SPMAP2L: variants seen among roughly 807,000 people sequenced by gnomAD.
SPMAP2L encodes the protein sperm microtubule associated protein 2 like.
chr4:56,549,091 T>A, the SPMAP2L span, among the ~76,000 whole-genome samples: 3 of 151,056 alleles, frequency 2.0e-5, no homozygotes, highest in Admixed American at 2.0e-4. Flanking sequence ...CGGGTTCAAG[T>A]GATTCTCCTT....
At chr4:56,591,356 C>A in the SPMAP2L span, among the ~76,000 whole-genome samples, 1 of 152,194 alleles carries the variant, frequency 6.6e-6, no homozygotes, top group Non-Finnish European at 1.5e-5. Flanking sequence ...CATGAGCCAA[C>A]AAGACCTCAC....
chr4:56,534,165 T>C, the SPMAP2L span, among the ~76,000 whole-genome samples: 8 of 152,190 alleles, frequency 5.3e-5, no homozygotes, highest in Admixed American at 2.6e-4. Context: ...TCCCCCTTTT[T>C]CCCCCTTCTC....
the SPMAP2L span, among the ~76,000 whole-genome samples, chr4:56,625,377 T>C: frequency 8.7e-4 from 133 of 152,260 alleles, no homozygotes; most frequent in African/African-American, 3.0e-3. Flanking sequence ...GAGTTAAGAC[T>C]TTGGGGGACT....
chr4:56,619,253 A>G, the SPMAP2L span, among the ~76,000 whole-genome samples: 6 of 152,226 alleles, frequency 3.9e-5, no homozygotes, highest in Admixed American at 3.9e-4. Flanking sequence ...TCAGACTGTG[A>G]TTGACCTTGG....
the SPMAP2L span, among the ~76,000 whole-genome samples, chr4:56,545,107 C>G: frequency 6.6e-5 from 10 of 152,180 alleles, no homozygotes; most frequent in Admixed American, 6.5e-4. Context: ...AAAACAAACA[C>G]AAGAAAGAAA....
the SPMAP2L span, among the ~76,000 whole-genome samples, chr4:56,555,247 C>T: frequency 5.1e-4 from 78 of 152,128 alleles, no homozygotes; most frequent in African/African-American, 1.8e-3. Context: ...CCAGGACTAT[C>T]ATTTCTTGAT....
chr4:56,545,796 A>ATGTT, the SPMAP2L span, among the ~76,000 whole-genome samples: 1 of 148,030 alleles, frequency 6.8e-6, no homozygotes, highest in Non-Finnish European at 1.5e-5. Flanking sequence ...ATTTTTGTTT[A>ATGTT]TGTTTGTTTG....
chr4:56,574,411 C>A, the SPMAP2L span, among the ~76,000 whole-genome samples: 221 of 152,020 alleles, frequency 1.5e-3, no homozygotes, highest in Non-Finnish European at 2.4e-3. Flanking sequence ...AGAGCAAGAT[C>A]GTGCTTCTAA....
At chr4:56,574,138 G>A in the SPMAP2L span, among the ~76,000 whole-genome samples, 1 of 152,166 alleles carries the variant, frequency 6.6e-6, no homozygotes, top group South Asian at 2.1e-4. Flanking sequence ...GAACAATGGT[G>A]GCTGGGTGTG....
the SPMAP2L span, chr4:56,593,459 C>T: frequency 8.7e-5 from 138 of 1,585,698 alleles, no homozygotes; most frequent in African/African-American, 1.5e-4. Context: ...TACCCAGACA[C>T]GGAGGGGAAG....
At chr4:56,595,578 C>T in the SPMAP2L span, 24 of 1,368,866 alleles carry the variant, frequency 1.8e-5, no homozygotes, top group South Asian at 2.3e-4. Context: ...ATTCCCACTC[C>T]CCTTCGTGAA....
chr4:56,624,925 C>G, the SPMAP2L span, among the ~76,000 whole-genome samples: 3 of 152,202 alleles, frequency 2.0e-5, no homozygotes, highest in African/African-American at 7.2e-5. Context: ...AAGAGGGTCA[C>G]TGTCCTCCAG....
At chr4:56,588,104 A>G in the SPMAP2L span, among the ~76,000 whole-genome samples, 1 of 152,096 alleles carries the variant, frequency 6.6e-6, no homozygotes. Context: ...TTTGTTGGCC[A>G]TTTGTATATC....
the SPMAP2L span, among the ~76,000 whole-genome samples, chr4:56,533,225 C>G: frequency 6.6e-6 from 1 of 152,200 alleles, no homozygotes; most frequent in Non-Finnish European, 1.5e-5. Context: ...ATCCATGCCC[C>G]TGAACTTCAA....
the SPMAP2L span, chr4:56,596,777 T>C: frequency 1.1e-6 from 1 of 928,314 alleles, no homozygotes; most frequent in African/African-American, 1.7e-5. Flanking sequence ...ACTAGCTAGA[T>C]GATAGGGAGA....
At chr4:56,621,773 G>A in the SPMAP2L span, among the ~76,000 whole-genome samples, 1 of 152,210 alleles carries the variant, frequency 6.6e-6, no homozygotes, top group Non-Finnish European at 1.5e-5. Flanking sequence ...TTCATTTGCT[G>A]TATAGTTGTT....
chr4:56,598,527 T>C, the SPMAP2L span, among the ~76,000 whole-genome samples: 3 of 151,906 alleles, frequency 2.0e-5, no homozygotes, highest in Non-Finnish European at 2.9e-5. Context: ...AAGATCTCCT[T>C]GAAGAATGTG....
chr4:56,539,990 C>T, the SPMAP2L span, among the ~76,000 whole-genome samples: 1,208 of 152,278 alleles, frequency 7.9e-3, 16 homozygotes, highest in African/African-American at 0.028. Context: ...TATTCCAAAG[C>T]TTAAAATGAA....
At chr4:56,531,031 C>G in the SPMAP2L span, 1 of 1,535,490 alleles carries the variant, frequency 6.5e-7, no homozygotes, top group Non-Finnish European at 8.7e-7. Context: ...CCGTGAACCC[C>G]GCCAGCTCCG....
Sources: gnomAD v4.1 joint callset for allele counts (sites outside exome capture counted in the v4.1 genomes callset) on GRCh38, gnomAD v4.1.1 for gene constraint, MANE v1.5 for transcripts, NCBI Gene and HGNC (gene_info 2026-07-23, HGNC 2026-07-21) for gene names.